CAND2: variants seen among roughly 807,000 people sequenced by gnomAD.
CAND2 encodes cullin-associated NEDD8-dissociated protein 2.
In CAND2, 62 loss-of-function variants were observed where a neutral mutation model predicts 98.9. That is an observed-to-expected ratio of 0.63 (90% CI 0.51 to 0.77). The LOEUF (loss-of-function observed/expected upper bound fraction) is 0.77, where lower values mean the gene tolerates loss of function less well. Among genes scored for constraint, CAND2 ranks in the 30% least tolerant of loss-of-function variants. The pLI, the probability that CAND2 is intolerant of heterozygous loss-of-function variation, is 0.00. For missense variants in CAND2, 1,501 were observed against 1,655.2 expected (o/e 0.91, Z 1.62); for synonymous variants, 770 against 731.9 (o/e 1.05, Z -0.84).
At chr3:12,832,238 T>C (rs1331407814) in intron 14 of CAND2, 1 of 152,262 alleles carries the variant, frequency 6.6e-6, no homozygotes, top group East Asian at 1.9e-4. Context: ...GATAAAACAC[T>C]AAAATTGGTA....
chr3:12,812,959 C>G, intron 5 of CAND2, 31 bp from the exon 6 acceptor site: 1 of 1,417,488 alleles, frequency 7.1e-7, no homozygotes, highest in Non-Finnish European at 9.8e-7. Flanking sequence ...GAGTGTCTGG[C>G]TTGGGTTCAG....
intron 4 of CAND2, among the ~76,000 whole-genome samples, chr3:12,809,096 G>T (rs559182591): frequency 6.6e-6 from 1 of 152,248 alleles, no homozygotes; most frequent in Admixed American, 6.5e-5. Context: ...ATTCAGGAGG[G>T]GGACTCCACA....
Position 12,817,991 on chromosome 3 carries a change from C to T in CAND2, c.2944+115C>T, listed in dbSNP as rs971278242. On this transcript the variant is annotated intron_variant, in intron 10 of 14. Transcript: ENST00000456430. ...TTCAAGTCACTGGATACAAGAATCA[C>T]GGTATCTATACGACAGAGGCAAGGA... 73 of 972,954 alleles carry T rather than the reference C, an allele frequency of 7.5e-5. 1 individual carries two copies. The highest frequency in any genetic ancestry group is 6.9e-4 in the East Asian group (26 of 37,672). 60.3% of individuals were successfully genotyped at this position (972,954 alleles called of 1,614,324 possible). A position where few individuals can be genotyped will look rare whatever the true frequency, so the allele number is the denominator to read the frequency against.
intron 13 of CAND2, among the ~76,000 whole-genome samples, chr3:12,830,583 G>C (rs774154447): frequency 3.6e-4 from 55 of 152,214 alleles, no homozygotes; most frequent in Non-Finnish European, 6.8e-4. Flanking sequence ...ACAGGGCCTA[G>C]GCACCAGTGC....
intron 10 of CAND2, among the ~76,000 whole-genome samples, chr3:12,818,288 T>C (rs1184790643): frequency 6.6e-6 from 1 of 151,292 alleles, no homozygotes; most frequent in African/African-American, 2.4e-5. Flanking sequence ...ACAAAAAACC[T>C]CATGATGCCA....
chr3:12,797,306 C>G (rs1021318504), intron 1 of CAND2, among the ~76,000 whole-genome samples: 3 of 151,750 alleles, frequency 2.0e-5, no homozygotes, highest in Admixed American at 6.6e-5. Context: ...GACTTTCTCA[C>G]TGGCACCCTC....
intron 11 of CAND2, among the ~76,000 whole-genome samples, chr3:12,823,511 A>T (rs559380338): frequency 6.6e-6 from 1 of 151,898 alleles, no homozygotes; most frequent in Non-Finnish European, 1.5e-5. Context: ...GGCGGATCAC[A>T]AGGTCAGGAG....
Position 12,813,029 on chromosome 3 carries a change from T to A in CAND2, c.797T>A (p.Phe266Tyr). 1 of 1,583,490 alleles carries A rather than the reference T, an allele frequency of 6.3e-7. No individual in the cohort carries two copies. The highest frequency in any genetic ancestry group is 8.6e-7 in the Non-Finnish European group (1 of 1,165,802). Reference sequence around the variant, plus strand: ...CGCCTGGTGCCCCTGGTGGAGGATTTCTGCAACCTGGATGATGATGAGCTC... The same window carrying A: ...CGCCTGGTGCCCCTGGTGGAGGATTACTGCAACCTGGATGATGATGAGCTC... ...LDRLVPLVED[F>Y]CNLDDDELRE... Residue 266 changes from phenylalanine (F) to tyrosine (Y), a missense_variant, in exon 6 of 15, where the codon TTC becomes TAC. By Grantham distance (22) the Phe-to-Tyr change is conservative. Transcript: ENST00000456430.
Position 12,825,481 on chromosome 3 carries a change from G to C in CAND2, c.3052G>C (p.Glu1018Gln). Reference protein sequence around the residue: ...LLKSFIGEFMESLQDPDLNVR... With the variant: ...LLKSFIGEFMQSLQDPDLNVR... ...TGTTCTTCTGCCAGGAGAGTTCATGGAGAGCCTGCAGGACCCAGACCTGAA... is the reference window on the plus strand; with the variant it reads ...TGTTCTTCTGCCAGGAGAGTTCATGCAGAGCCTGCAGGACCCAGACCTGAA... Residue 1018 changes from glutamate (E) to glutamine (Q), a missense_variant, in exon 12 of 15, where the codon GAG becomes CAG. This residue lies in a region of CAND2 where 1,427 missense variants were observed against 1,545.3 expected (regional missense o/e 0.92). Coordinates refer to ENST00000456430, the MANE Select transcript of CAND2 (RefSeq NM_001162499.2). 6.4e-7 allele frequency: 1 copy of C among 1,555,340 alleles called. No homozygotes were observed. The highest frequency in any genetic ancestry group is 8.7e-7 in the Non-Finnish European group (1 of 1,148,682).
Position 12,817,294 on chromosome 3 carries a change from C to T in CAND2, c.2362C>T (p.Gln788Ter). 1 of 1,614,012 alleles carries T rather than the reference C, an allele frequency of 6.2e-7. No homozygotes were observed. The highest frequency in any genetic ancestry group is 2.2e-5 in the East Asian group (1 of 44,878). The change falls in exon 10 of 15, where the codon CAG becomes TAG. Residue 788 changes from glutamine to a stop codon, truncating the protein, a stop_gained. Transcript: ENST00000456430. LOFTEE classifies it high-confidence loss of function. The stretch of plus-strand genomic sequence containing the variant: ...CCTGCTCACTGCGCCTGTTTATGAG[C>T]AGGCTGTGGATGGTGGGCCTGGCCT... ...ISLLTAPVYE[Q>*]AVDGGPGLHK...
Position 12,816,739 on chromosome 3 carries a change from G to A in CAND2, c.1807G>A (p.Gly603Ser). 1 of 1,613,712 alleles carries A rather than the reference G, an allele frequency of 6.2e-7. No homozygotes were observed. The highest frequency in any genetic ancestry group is 8.5e-7 in the Non-Finnish European group (1 of 1,180,040). Reference sequence around the variant, plus strand: ...CATGGGCCACCTTGTAGGCCACCTGGGTGACCGGCTTGGGGATGACCTGGA... The same window carrying A: ...CATGGGCCACCTTGTAGGCCACCTGAGTGACCGGCTTGGGGATGACCTGGA... ...SCMGHLVGHL[G>S]DRLGDDLEPT... Residue 603 changes from glycine (G) to serine (S), a missense_variant, in exon 10 of 15, where the codon GGT (glycine) becomes AGT (serine). This residue lies in a region of CAND2 where 1,427 missense variants were observed against 1,545.3 expected (regional missense o/e 0.92). Transcript: ENST00000456430.
intron 2 of CAND2, among the ~76,000 whole-genome samples, chr3:12,804,576 C>G (rs751551126): frequency 6.6e-6 from 1 of 152,126 alleles, no homozygotes; most frequent in African/African-American, 2.4e-5. Flanking sequence ...CCAGTTATCT[C>G]GAGTAGAAAA....
chr3:12,831,342 C>CT (rs1226356637), intron 13 of CAND2, 123 bp from the exon 14 acceptor site: 77 of 745,374 alleles, frequency 1.0e-4, no homozygotes, highest in Non-Finnish European at 1.9e-5. Flanking sequence ...TCTGGCAGGA[C>CT]TTCACGGTGG....
In CAND2 at chr3:12,816,946, A is replaced by G. The variant is rs2061910356; in HGVS notation, c.2014A>G (p.Thr672Ala). ...GAACCAGCGGGCTTTGCGACTGGCC[A>G]CACTGGCAGCCCTGGACGCCCTGGC... Reference protein sequence around the residue: ...RKNQRALRLATLAALDALAQS... With the variant: ...RKNQRALRLAALAALDALAQS... The change falls in exon 10 of 15, where the codon ACA becomes GCA. Residue 672 changes from threonine to alanine, a missense_variant. Transcript: ENST00000456430. 1.9e-6 allele frequency: 3 copies of G among 1,613,428 alleles called. No homozygotes were observed. Among genetic ancestry groups the G allele is most frequent in the Non-Finnish European group, 1.7e-6 (2 of 1,179,924 alleles).
At chr3:12,823,361 C>T (rs1278267359) in intron 11 of CAND2, among the ~76,000 whole-genome samples, 1 of 151,650 alleles carries the variant, frequency 6.6e-6, no homozygotes, top group Non-Finnish European at 1.5e-5. Flanking sequence ...GAGGCTGAGG[C>T]GGGAGAATAA....
intron 11 of CAND2, among the ~76,000 whole-genome samples, chr3:12,825,109 T>A (rs992527509): frequency 7.4e-5 from 11 of 147,846 alleles, no homozygotes; most frequent in Admixed American, 2.0e-4. Context: ...ATTCAAAAAA[T>A]TTTTTTCTTT....
intron 1 of CAND2, among the ~76,000 whole-genome samples, chr3:12,798,022 C>T (rs2061738763): frequency 6.6e-6 from 1 of 152,106 alleles, no homozygotes; most frequent in Non-Finnish European, 1.5e-5. Flanking sequence ...GCCGTGTGAC[C>T]ATGGACAAGT....
intron 1 of CAND2, among the ~76,000 whole-genome samples, chr3:12,799,687 C>G (rs4684881): frequency 6.6e-6 from 1 of 152,206 alleles, no homozygotes; most frequent in African/African-American, 2.4e-5. Flanking sequence ...AGAGATAAAC[C>G]TGATGAGCCT....
Position 12,817,427 on chromosome 3 carries a change from C to T in CAND2, c.2495C>T (p.Ser832Leu), listed in dbSNP as rs372830871. ...TASRLVCDAR[S>L]PHSSTGVKVL... ...AGTCGCCTGGTCTGCGATGCCAGGTCGCCCCACTCCAGCACGGGGGTCAAG... is the reference window on the plus strand; with the variant it reads ...AGTCGCCTGGTCTGCGATGCCAGGTTGCCCCACTCCAGCACGGGGGTCAAG... The change falls in exon 10 of 15, where the codon TCG (serine) becomes TTG (leucine). Residue 832 changes from serine (S) to leucine (L), a missense_variant. Coordinates refer to ENST00000456430, the MANE Select transcript of CAND2 (RefSeq NM_001162499.2). 31 of 1,613,594 alleles carry T rather than the reference C, an allele frequency of 1.9e-5. 1 individual carries two copies. Among genetic ancestry groups the T allele is most frequent in the Middle Eastern group, 3.3e-4 (2 of 6,070 alleles).
Sources: gnomAD v4.1 joint callset for allele counts (sites outside exome capture counted in the v4.1 genomes callset) on GRCh38, gnomAD v4.1.1 for gene constraint, gnomAD v4.1.1 regional missense constraint, MANE v1.5 for transcripts, NCBI Gene and HGNC (gene_info 2026-07-23, HGNC 2026-07-21) for gene names.